The following CHSY1 variants were observed in gnomAD, a reference collection of about 807,000 sequenced individuals.
The protein encoded by CHSY1 is N-acetylgalactosaminyl-proteoglycan 3-beta-glucuronosyltransferase 1.
In CHSY1, 13 loss-of-function variants were observed where a neutral mutation model predicts 59.8. The ratio of observed to expected loss-of-function variants is 0.22; its 90% CI spans 0.14 to 0.35. The LOEUF is 0.35. CHSY1 is among the 10% of genes least tolerant of loss of function. The pLI, the probability that CHSY1 is intolerant of heterozygous loss-of-function variation, is 1.00. For synonymous variants in CHSY1, 459 were observed against 401.2 expected, an observed-to-expected ratio of 1.14 and a Z score of -1.72; for missense variants, 947 against 1,030.6, an observed-to-expected ratio of 0.92 and a Z score of 1.11.
intron 1 of CHSY1, among the ~76,000 whole-genome samples, chr15:101,245,096 G>A (rs1247267224): frequency 6.6e-6 from 1 of 152,120 alleles, no homozygotes; most frequent in Non-Finnish European, 1.5e-5. Context: ...CAACACCGCT[G>A]GGCTGATCTT....
rs1199474967 is a variant in CHSY1, at chr15:101,251,324, G to A, written c.133C>T (p.Pro45Ser). 22 of 1,125,484 alleles carry A rather than the reference G, an allele frequency of 2.0e-5. No individual in the cohort carries two copies. The highest frequency in any genetic ancestry group is 2.4e-5 in the Non-Finnish European group (22 of 912,148). 69.7% of individuals were successfully genotyped at this position (1,125,484 alleles called of 1,614,324 possible). A position where few individuals can be genotyped will look rare whatever the true frequency, so the allele number is the denominator to read the frequency against. The change falls in exon 1 of 3, where the codon CCC becomes TCC. Residue 45 changes from proline (P) to serine (S), a missense_variant. Around this residue, in one of 4 missense-constraint regions of CHSY1, gnomAD observed 232 missense variants for 188.5 expected, o/e 1.23. Transcript: ENST00000254190. ...KRAGPRRRAS[P>S]EGCRSGQAAA... ...GCCTGCCCGGACCGGCAGCCCTCGGGGCTGGCGCGGCGCCGTGGGCCCGCT... is the reference window on the plus strand; with the variant it reads ...GCCTGCCCGGACCGGCAGCCCTCGGAGCTGGCGCGGCGCCGTGGGCCCGCT...
At chr15:101,201,865 T>C (rs2038577314) in intron 2 of CHSY1, among the ~76,000 whole-genome samples, 1 of 152,192 alleles carries the variant, frequency 6.6e-6, no homozygotes, top group African/African-American at 2.4e-5. Flanking sequence ...GCCTTCATGT[T>C]CTCCCAGTAG....
At chr15:101,213,300 T>TAGAA (rs772936229) in intron 2 of CHSY1, among the ~76,000 whole-genome samples, 1 of 144,076 alleles carries the variant, frequency 6.9e-6, no homozygotes, top group East Asian at 2.5e-4. Context: ...CCTTGCATTT[T>TAGAA]TTCTGGGAAG....
intron 2 of CHSY1, among the ~76,000 whole-genome samples, chr15:101,190,181 A>G (rs2038426003): frequency 7.1e-6 from 1 of 140,678 alleles, no homozygotes; most frequent in East Asian, 2.3e-4. Flanking sequence ...CCATTCTGAA[A>G]GTTTTCTTTC....
chr15:101,231,095 A>C (rs1255725374), intron 2 of CHSY1, among the ~76,000 whole-genome samples: 1 of 151,884 alleles, frequency 6.6e-6, no homozygotes, highest in Non-Finnish European at 1.5e-5. Context: ...GGTGGAGGGG[A>C]CAGGAGCTAG....
chr15:101,226,845 T>C (rs2038846463), intron 2 of CHSY1, among the ~76,000 whole-genome samples: 1 of 152,244 alleles, frequency 6.6e-6, no homozygotes, highest in African/African-American at 2.4e-5. Context: ...ATACCCTGAC[T>C]TCTTAAACAG....
chr15:101,184,354 T>A (rs1423074703), intron 2 of CHSY1, among the ~76,000 whole-genome samples: 3 of 152,090 alleles, frequency 2.0e-5, no homozygotes, highest in Non-Finnish European at 4.4e-5. Flanking sequence ...CTCTACAAGT[T>A]TGAAATAAAT....
At position 101,237,545 on chromosome 15, in the gene CHSY1, C is replaced by T. The variant is rs1322616485; in HGVS notation, c.321-1968G>A. Reference sequence around the variant, plus strand: ...ACCACATAAAGGGTTTAAGAGACAACGGTTGCCCGTCGACAGAGGGAAGAT... The same window carrying T: ...ACCACATAAAGGGTTTAAGAGACAATGGTTGCCCGTCGACAGAGGGAAGAT... On this transcript the variant is annotated intron_variant, in intron 1 of 2. Transcript: ENST00000254190. Among the ~76,000 whole-genome samples the T allele has an allele frequency of 2.0e-5, 3 of 152,188 alleles. No homozygotes were observed. In the East Asian group the frequency reaches 5.8e-4, roughly 29 times the overall value.
intron 2 of CHSY1, among the ~76,000 whole-genome samples, chr15:101,206,965 A>G (rs905160878): frequency 3.9e-5 from 6 of 152,366 alleles, no homozygotes; most frequent in African/African-American, 1.4e-4. Flanking sequence ...TATGCCACGC[A>G]TTTCCACTGG....
intron 2 of CHSY1, among the ~76,000 whole-genome samples, chr15:101,185,699 C>CTTT (rs10556870): frequency 1.6e-5 from 2 of 121,358 alleles, no homozygotes; most frequent in Admixed American, 8.2e-5. Context: ...CTCGAAATAT[C>CTTT]TTTTTTTTTT....
At chr15:101,247,113 G>GTC (rs1384768905) in intron 1 of CHSY1, among the ~76,000 whole-genome samples, 2 of 152,186 alleles carry the variant, frequency 1.3e-5, no homozygotes, top group Non-Finnish European at 2.9e-5. Context: ...AAACCCTCCA[G>GTC]TGGCTTTCTA....
In CHSY1 at chr15:101,235,411, T is replaced by C; in HGVS notation, c.487A>G (p.Lys163Glu). ...LKYMHDHYLD[K>E]YEWFMRADDD... ...TCTGCTCTCATAAACCATTCATACT[T>C]GTCCAAGTAGTGGTCGTGCATGTAC... Residue 163 changes from lysine (K) to glutamate (E), a missense_variant, in exon 2 of 3, where the codon AAG becomes GAG. Physicochemically the swap from Lys to Glu is moderately conservative, Grantham distance 56. Transcript: ENST00000254190. 1.9e-6 allele frequency: 3 copies of C among 1,614,176 alleles called. No individual in the cohort carries two copies. Among genetic ancestry groups the C allele is most frequent in the Non-Finnish European group, 2.5e-6 (3 of 1,180,032 alleles).
chr15:101,176,045 A>G lies in CHSY1; in HGVS notation c.*1343T>C, dbSNP rs2038183359. 2.6e-6 allele frequency: 1 copy of G among 382,136 alleles called. No homozygotes were observed. The highest frequency in any genetic ancestry group is 2.1e-5 in the African/African-American group (1 of 48,340). 23.7% of individuals were successfully genotyped at this position (382,136 alleles called of 1,614,324 possible). On this transcript the variant is annotated 3_prime_UTR_variant, in exon 3 of 3. Transcript: ENST00000254190. ...ATGAGCACCAAAATTGTCAAAGAAC[A>G]CTTAATATTTAGTAAAACAGTAAGG...
In CHSY1 at chr15:101,177,391, G is replaced by C. The variant is rs1445644827; in HGVS notation, c.2406C>G (p.Ala802=). 6.2e-7 allele frequency: 1 copy of C among 1,611,050 alleles called. No homozygotes were observed. ...TCTTTTCCAGCAAAGCTGGACATTA[G>C]GCTGTCCTCACTGAGCCATTATTAT... is the stretch of plus-strand genomic sequence containing the variant. ...SSNNNGSVRT[A] is the part of the protein sequence containing the mutation. Residue 802 remains alanine, a synonymous_variant, in exon 3 of 3, where the codon GCC becomes GCG. Transcript: ENST00000254190.
At chr15:101,196,396 G>A (rs1378451436) in intron 2 of CHSY1, among the ~76,000 whole-genome samples, 1 of 152,096 alleles carries the variant, frequency 6.6e-6, no homozygotes, top group Non-Finnish European at 1.5e-5. Flanking sequence ...TGAAGGCCAG[G>A]TGTCAGAAGT....
At chr15:101,247,086 A>ACC (rs1269523371) in intron 1 of CHSY1, among the ~76,000 whole-genome samples, 1 of 151,960 alleles carries the variant, frequency 6.6e-6, no homozygotes, top group Non-Finnish European at 1.5e-5. Flanking sequence ...CCAGCTACCC[A>ACC]CCTCCTTTTC....
At chr15:101,179,788 G>A (rs981154392) in intron 2 of CHSY1, among the ~76,000 whole-genome samples, 3 of 152,218 alleles carry the variant, frequency 2.0e-5, no homozygotes, top group African/African-American at 4.8e-5. Flanking sequence ...CCCTGCCTCC[G>A]CCCCGTGGCG....
intron 2 of CHSY1, among the ~76,000 whole-genome samples, chr15:101,230,011 G>A (rs980037083): frequency 1.3e-5 from 2 of 150,206 alleles, no homozygotes; most frequent in African/African-American, 2.5e-5. Context: ...GCGTGATCTC[G>A]GCTCACTTCA....
intron 1 of CHSY1, among the ~76,000 whole-genome samples, chr15:101,241,026 C>T (rs1395576945): frequency 2.0e-5 from 3 of 152,152 alleles, no homozygotes; most frequent in Non-Finnish European, 2.9e-5. Context: ...AATAAAATAA[C>T]GTACAACTCC....
Sources: allele counts gnomAD v4.1 joint callset (sites outside exome capture counted in the v4.1 genomes callset), GRCh38; gene constraint gnomAD v4.1.1; regional missense constraint gnomAD v4.1.1; transcripts MANE v1.5; gene names NCBI Gene and HGNC (gene_info 2026-07-23, HGNC 2026-07-21).